Variants in MAPK14 observed in about 807,000 individuals in gnomAD.
MAPK14 encodes mitogen-activated protein kinase 14.
Under a neutral mutation model 49.6 loss-of-function variants are expected in MAPK14, and 16 were observed. That is an observed-to-expected ratio of 0.32 (90% CI 0.22 to 0.49). The LOEUF (loss-of-function observed/expected upper bound fraction) is 0.49, where lower values mean the gene tolerates loss of function less well. MAPK14 is among the 20% of genes least tolerant of loss of function. MAPK14 has a pLI of 0.99. For synonymous variants in MAPK14, 142 were observed against 158.0 expected (o/e 0.90, Z 0.76); for missense variants, 200 against 441.2 (o/e 0.45, Z 4.90).
intron 8 of MAPK14, among the ~76,000 whole-genome samples, chr6:36,087,168 A>G (rs565329490): frequency 6.6e-6 from 1 of 152,282 alleles, no homozygotes; most frequent in African/African-American, 2.4e-5. Flanking sequence ...TGTAAGACAA[A>G]CCCACAGCCA....
rs200396503 is a variant in MAPK14, at chr6:36,077,852, A to ATG, written c.682+1245_682+1246insGT. On this transcript the variant is annotated intron_variant, in intron 8 of 11. Coordinates refer to ENST00000229794, the MANE Select transcript of MAPK14 (RefSeq NM_139012.3). ...TTTCTCAGAAATTTGGTATATATAT[A>ATG]TTACAGTCCAAGGTAAGAGAATTAG... Among the ~76,000 whole-genome samples, 443 of 152,238 alleles carry ATG rather than the reference A, an allele frequency of 2.9e-3. 4 individuals are homozygous for ATG. The highest frequency in any genetic ancestry group is 0.01 in the African/African-American group (417 of 41,534).
At chr6:36,088,721 C>CAAAAA (rs553619006) in intron 8 of MAPK14, among the ~76,000 whole-genome samples, 1 of 95,868 alleles carries the variant, frequency 1.0e-5, no homozygotes, top group African/African-American at 3.7e-5. Context: ...GACTCCGTCT[C>CAAAAA]AAAAAAAAAA....
At chr6:36,113,165 A>G (rs964453541), downstream of MAPK14, among the ~76,000 whole-genome samples, 7 of 152,186 alleles carry the variant, frequency 4.6e-5, no homozygotes, top group Middle Eastern at 3.4e-3. Context: ...AGCCTGAGCA[A>G]CATAGCTGGG....
chr6:36,068,680 A>G (rs151259247), intron 3 of MAPK14, among the ~76,000 whole-genome samples: 58 of 152,258 alleles, frequency 3.8e-4, no homozygotes, highest in Non-Finnish European at 6.0e-4. Context: ...TTTTCTACAT[A>G]GGTTCTTTCT....
chr6:36,051,579 G>A (rs190377527), intron 1 of MAPK14, among the ~76,000 whole-genome samples: 2 of 151,894 alleles, frequency 1.3e-5, no homozygotes, highest in South Asian at 2.1e-4. Context: ...CATGCCATAC[G>A]TTTCCTACCT....
intron 1 of MAPK14, among the ~76,000 whole-genome samples, chr6:36,037,288 C>T (rs1581731015): frequency 6.6e-6 from 1 of 152,070 alleles, no homozygotes; most frequent in East Asian, 1.9e-4. Context: ...CCAGCTTTCC[C>T]GTGCAGTGTT....
At chr6:36,055,689 T>C (rs900658830) in intron 2 of MAPK14, among the ~76,000 whole-genome samples, 1 of 151,942 alleles carries the variant, frequency 6.6e-6, no homozygotes, top group South Asian at 2.1e-4. Flanking sequence ...CCTAGCACTT[T>C]GGGAGGCCAA....
At chr6:36,051,237 T>G (rs1372741215) in intron 1 of MAPK14, among the ~76,000 whole-genome samples, 1 of 151,792 alleles carries the variant, frequency 6.6e-6, no homozygotes, top group Non-Finnish European at 1.5e-5. Flanking sequence ...TGCCTCAGCC[T>G]CCTGAGTAGC....
intron 6 of MAPK14, among the ~76,000 whole-genome samples, chr6:36,074,451 A>G (rs962667808): frequency 5.3e-5 from 8 of 152,240 alleles, no homozygotes; most frequent in African/African-American, 1.9e-4. Flanking sequence ...AATAATTCAA[A>G]TAAAAAATAA....
At chr6:36,119,577 T>A in the MAPK14 span, among the ~76,000 whole-genome samples, 1 of 152,190 alleles carries the variant, frequency 6.6e-6, no homozygotes, top group African/African-American at 2.4e-5. Flanking sequence ...AAATATTAAA[T>A]GGCAGTGAAG....
intron 1 of MAPK14, among the ~76,000 whole-genome samples, chr6:36,046,869 A>T (rs1194247387): frequency 1.3e-5 from 2 of 152,192 alleles, no homozygotes; most frequent in Non-Finnish European, 2.9e-5. Context: ...TGCACACTTA[A>T]TCAGTCAGAT....
intron 8 of MAPK14, among the ~76,000 whole-genome samples, chr6:36,088,255 A>G (rs1202291096): frequency 6.6e-6 from 1 of 152,232 alleles, no homozygotes; most frequent in Non-Finnish European, 1.5e-5. Context: ...AGCAATGGCA[A>G]CAAAAGCAGA....
At chr6:36,062,833 T>C (rs1195357670) in intron 3 of MAPK14, among the ~76,000 whole-genome samples, 2 of 151,932 alleles carry the variant, frequency 1.3e-5, no homozygotes, top group East Asian at 1.9e-4. Flanking sequence ...AATTTTTGTA[T>C]TTTTAGTAGA....
Position 36,108,671 on chromosome 6 carries a change from G to A in MAPK14, c.*224G>A. The A allele has an allele frequency of 1.8e-6, 1 of 552,550 alleles. No homozygotes were observed. Among genetic ancestry groups the A allele is most frequent in the African/African-American group, 1.9e-5 (1 of 52,766 alleles). The allele number at this position is 552,550 out of a possible 1,614,324, so 34.2% of individuals were successfully genotyped here. A position where few individuals can be genotyped will look rare whatever the true frequency, so the allele number is the denominator to read the frequency against. Reference sequence around the variant, plus strand: ...AAACTATGATCACAGTGACTTTACAGGAGGTTGTGGATGCTCCAGGGCAGC... The same window carrying A: ...AAACTATGATCACAGTGACTTTACAAGAGGTTGTGGATGCTCCAGGGCAGC... On this transcript the variant is annotated 3_prime_UTR_variant, in exon 12 of 12. Transcript: ENST00000229794.
intron 3 of MAPK14, among the ~76,000 whole-genome samples, chr6:36,065,507 G>GGGGTGTGTGTGTGTGT (rs1435565312): frequency 8.2e-5 from 10 of 122,454 alleles, no homozygotes; most frequent in Admixed American, 8.2e-5. Context: ...GGGCAGAAAA[G>GGGGTGTGTGTGTGTGT]GTGTGTGTGT....
chr6:36,102,556 C>A lies in MAPK14; in HGVS notation c.763-15C>A, dbSNP rs200639418. ...TTATTGAACAAAGTCATTCTGAAAA[C>A]CCTTGTTTTTTCAGGCAAGAAACTA... is the stretch of plus-strand genomic sequence containing the variant. On this transcript the variant is annotated splice_polypyrimidine_tract_variant and intron_variant, in intron 9 of 11. Coordinates refer to ENST00000229794, the MANE Select transcript of MAPK14 (RefSeq NM_139012.3). 1.9e-5 allele frequency: 30 copies of A among 1,600,468 alleles called. No homozygotes were observed. Among genetic ancestry groups the A allele is most frequent in the Non-Finnish European group, 2.6e-5 (30 of 1,169,246 alleles).
chr6:36,073,058 CAAGT>C, intron 4 of MAPK14, 74 bp downstream of exon 4: 1 of 919,688 alleles, frequency 1.1e-6, no homozygotes, highest in Non-Finnish European at 1.8e-6. Flanking sequence ...CTTAAACAAA[CAAGT>C]AAACAACTTT....
intron 8 of MAPK14, among the ~76,000 whole-genome samples, chr6:36,078,802 A>G (rs575693487): frequency 7.9e-5 from 12 of 152,342 alleles, no homozygotes; most frequent in Non-Finnish European, 1.8e-4. Flanking sequence ...GTAAGTTGCC[A>G]TCTGTGTAGA....
intron 1 of MAPK14, among the ~76,000 whole-genome samples, chr6:36,030,238 A>G (rs1439898459): frequency 2.0e-5 from 3 of 152,212 alleles, no homozygotes; most frequent in Non-Finnish European, 2.9e-5. Flanking sequence ...TCAGATTTAC[A>G]GTGAAGTACC....
Sources: gnomAD v4.1 joint callset for allele counts (sites outside exome capture counted in the v4.1 genomes callset) on GRCh38, gnomAD v4.1.1 for gene constraint, MANE v1.5 for transcripts, NCBI Gene and HGNC (gene_info 2026-07-23, HGNC 2026-07-21) for gene names.